VAV3: variants seen among roughly 807,000 people sequenced by gnomAD.
VAV3 encodes the protein vav guanine nucleotide exchange factor 3.
VAV3 carries 94 observed loss-of-function variants against 131.2 expected under a neutral mutation model. The observed-to-expected ratio is 0.72, with a 90% CI of 0.61 to 0.85. The LOEUF is 0.85. Ranked by LOEUF, VAV3 falls within the 40% of genes least tolerant of loss-of-function variation. VAV3 has a pLI of 0.00. For synonymous variants in VAV3, 349 were observed against 342.0 expected (o/e 1.02, Z -0.22); for missense variants, 939 against 1,002.7 (o/e 0.94, Z 0.86).
intron 17 of VAV3, among the ~76,000 whole-genome samples, chr1:107,692,969 G>C (rs1463503141): frequency 2.0e-5 from 3 of 152,116 alleles, no homozygotes; most frequent in Non-Finnish European, 4.4e-5. Flanking sequence ...GAGACCAAAG[G>C]GGCTTAGTCA....
intron 2 of VAV3, among the ~76,000 whole-genome samples, chr1:107,828,236 A>G (rs1397427755): frequency 6.6e-6 from 1 of 152,126 alleles, no homozygotes; most frequent in East Asian, 1.9e-4. Flanking sequence ...ATCGAGGAAG[A>G]AGAGTCAAGT....
chr1:107,837,008 G>A (rs1113981), intron 2 of VAV3, among the ~76,000 whole-genome samples: 108,640 of 151,804 alleles, frequency 0.72, 39,140 homozygotes, highest in Non-Finnish European at 0.75. Context: ...TGCTGAAGCT[G>A]TTCCCAAAAA....
At chr1:107,626,490 C>T (rs1040592662) in intron 20 of VAV3, among the ~76,000 whole-genome samples, 3 of 152,070 alleles carry the variant, frequency 2.0e-5, no homozygotes, top group African/African-American at 4.8e-5. Context: ...ATACTAATGC[C>T]GACTGAGCCT....
chr1:107,952,487 C>CGTAT (rs1557943615), intron 1 of VAV3, among the ~76,000 whole-genome samples: 3 of 133,462 alleles, frequency 2.2e-5, no homozygotes, highest in Admixed American at 7.3e-5. Flanking sequence ...TATATATATA[C>CGTAT]ACACATAAAT....
chr1:107,921,756 G>A (rs560018104), intron 1 of VAV3, among the ~76,000 whole-genome samples: 4 of 152,270 alleles, frequency 2.6e-5, no homozygotes, highest in South Asian at 2.1e-4. Flanking sequence ...TAGTTCTAAA[G>A]TGAAATTATC....
intron 20 of VAV3, among the ~76,000 whole-genome samples, chr1:107,636,378 A>G (rs927945449): frequency 5.6e-4 from 86 of 152,324 alleles, no homozygotes; most frequent in African/African-American, 1.9e-3. Flanking sequence ...TAAGCAATCT[A>G]TAAGAAGAAA....
intron 2 of VAV3, among the ~76,000 whole-genome samples, chr1:107,816,111 C>G (rs573554041): frequency 6.6e-6 from 1 of 152,276 alleles, no homozygotes; most frequent in East Asian, 1.9e-4. Flanking sequence ...GGCCTGGTTC[C>G]TAACAGGCCA....
chr1:107,749,679 T>A (rs1374124703), intron 13 of VAV3, 85 bp from the exon 14 acceptor site: 2 of 1,475,264 alleles, frequency 1.4e-6, no homozygotes, highest in East Asian at 4.7e-5. Flanking sequence ...CAACCAAATG[T>A]TTTTTTCTTT....
chr1:107,764,960 G>C, intron 9 of VAV3, 116 bp downstream of exon 9: 1 of 643,486 alleles, frequency 1.6e-6, no homozygotes. Context: ...TTATAAAATT[G>C]ACATGAAATT....
At chr1:107,856,772 C>A (rs1168896472) in intron 2 of VAV3, among the ~76,000 whole-genome samples, 1 of 152,134 alleles carries the variant, frequency 6.6e-6, no homozygotes, top group African/African-American at 2.4e-5. Flanking sequence ...CATGGTGGCT[C>A]ACACCTGTAA....
intron 2 of VAV3, among the ~76,000 whole-genome samples, chr1:107,802,784 T>C (rs1317509533): frequency 2.6e-5 from 4 of 152,122 alleles, no homozygotes; most frequent in South Asian, 2.1e-4. Flanking sequence ...ATCAGTGATA[T>C]TGGCCTGTAG....
intron 10 of VAV3, 96 bp from the exon 11 acceptor site, chr1:107,757,425 T>A (rs1664173426): frequency 3.7e-6 from 4 of 1,074,758 alleles, no homozygotes; most frequent in Non-Finnish European, 5.3e-6. Flanking sequence ...ATTATTGGTT[T>A]TCTCTCTATA....
intron 15 of VAV3, among the ~76,000 whole-genome samples, chr1:107,720,429 A>AAAT (rs1330881183): frequency 7.8e-6 from 1 of 128,670 alleles, no homozygotes. Context: ...ATAAATAAAT[A>AAAT]AAAGTTCCAT....
At chr1:107,633,648 C>CTGCATAGTA in intron 20 of VAV3, among the ~76,000 whole-genome samples, 1 of 152,088 alleles carries the variant, frequency 6.6e-6, no homozygotes, top group Non-Finnish European at 1.5e-5. Context: ...CCATGTCTTG[C>CTGCATAGTA]TTTAACCAAA....
chr1:107,769,830 T>C (rs1314549105), intron 6 of VAV3, among the ~76,000 whole-genome samples: 1 of 152,172 alleles, frequency 6.6e-6, no homozygotes, highest in African/African-American at 2.4e-5. Flanking sequence ...CTTTACTTAA[T>C]TCATCATCCA....
At chr1:107,626,354 AG>A (rs1245136016) in intron 20 of VAV3, among the ~76,000 whole-genome samples, 1 of 152,124 alleles carries the variant, frequency 6.6e-6, no homozygotes, top group Admixed American at 6.5e-5. Context: ...ATCTCTCCCA[AG>A]GCCTCCCTTG....
At chr1:107,924,512 T>A (rs1305771031) in intron 1 of VAV3, among the ~76,000 whole-genome samples, 1 of 152,124 alleles carries the variant, frequency 6.6e-6, no homozygotes, top group African/African-American at 2.4e-5. Context: ...TATTACCTCC[T>A]GGTTACCTCT....
intron 25 of VAV3, among the ~76,000 whole-genome samples, chr1:107,576,054 CT>C (rs1374676585): frequency 2.6e-5 from 4 of 151,988 alleles, no homozygotes; most frequent in Admixed American, 1.3e-4. Flanking sequence ...TAAACATTGG[CT>C]TTTTTCAACT....
intron 1 of VAV3, among the ~76,000 whole-genome samples, chr1:107,932,312 A>G (rs1340014171): frequency 6.6e-6 from 1 of 152,220 alleles, no homozygotes; most frequent in Non-Finnish European, 1.5e-5. Context: ...TGAAGAGACT[A>G]TAATTCAGTG....
Sources: allele counts gnomAD v4.1 joint callset (sites outside exome capture counted in the v4.1 genomes callset), GRCh38; gene constraint gnomAD v4.1.1; transcripts MANE v1.5; gene names NCBI Gene and HGNC (gene_info 2026-07-23, HGNC 2026-07-21).